EYS: variants seen among roughly 807,000 people sequenced by gnomAD.
EYS encodes protein eyes shut homolog.
Under a neutral mutation model 282.1 loss-of-function variants are expected in EYS, and 250 were observed. The observed-to-expected ratio is 0.89, with a 90% CI of 0.80 to 0.98. The LOEUF is 0.98. Ranked by LOEUF, EYS falls within the 50% of genes least tolerant of loss-of-function variation. EYS has a pLI of 0.00. For synonymous variants in EYS, 1,355 were observed against 1,282.9 expected (o/e 1.06, Z -1.20); for missense variants, 4,016 against 3,709.0 (o/e 1.08, Z -2.15).
chr6:65,508,814 T>C (rs558772458), intron 2 of EYS, among the ~76,000 whole-genome samples: 1 of 151,834 alleles, frequency 6.6e-6, no homozygotes, highest in South Asian at 2.1e-4. Context: ...CACTGGAGAG[T>C]AGGCCTTTGT....
intron 35 of EYS, among the ~76,000 whole-genome samples, chr6:63,965,324 A>T (rs962563588): frequency 5.3e-5 from 8 of 152,220 alleles, no homozygotes; most frequent in African/African-American, 1.9e-4. Flanking sequence ...TGGCAGAAGA[A>T]AAGGTCGTGT....
intron 31 of EYS, among the ~76,000 whole-genome samples, chr6:64,206,343 T>C (rs529537049): frequency 2.0e-4 from 30 of 152,300 alleles, no homozygotes; most frequent in Non-Finnish European, 3.2e-4. Flanking sequence ...ATTAGAGGAC[T>C]TCACTGGTTT....
At chr6:65,072,508 A>G (rs9453174) in intron 12 of EYS, among the ~76,000 whole-genome samples, 82,969 of 151,554 alleles carry the variant, frequency 0.55, 23,569 homozygotes, top group African/African-American at 0.68. Flanking sequence ...CCAATACAAA[A>G]TTATTTAAAA....
intron 1 of EYS, among the ~76,000 whole-genome samples, chr6:65,642,341 A>G (rs1767303184): frequency 6.6e-6 from 1 of 152,188 alleles, no homozygotes; most frequent in Non-Finnish European, 1.5e-5. Context: ...TAAGCACTGC[A>G]TAATTATTTG....
chr6:64,559,966 G>A (rs1019341998), intron 26 of EYS, among the ~76,000 whole-genome samples: 1 of 151,982 alleles, frequency 6.6e-6, no homozygotes, highest in Non-Finnish European at 1.5e-5. Context: ...TTGAGTCCAC[G>A]TGTTCTCGTC....
intron 31 of EYS, among the ~76,000 whole-genome samples, chr6:64,102,154 A>G (rs1429924293): frequency 6.6e-6 from 1 of 152,194 alleles, no homozygotes; most frequent in Non-Finnish European, 1.5e-5. Flanking sequence ...CCACTTGTAG[A>G]TAATTTAAAG....
intron 33 of EYS, among the ~76,000 whole-genome samples, chr6:64,039,975 C>A (rs192487459): frequency 6.6e-6 from 1 of 152,118 alleles, no homozygotes; most frequent in African/African-American, 2.4e-5. Flanking sequence ...GAAAGATAAC[C>A]TCATAGCACT....
chr6:64,162,363 T>C (rs1243555193), intron 31 of EYS, among the ~76,000 whole-genome samples: 1 of 152,166 alleles, frequency 6.6e-6, no homozygotes, highest in Non-Finnish European at 1.5e-5. Context: ...TTTCCATGTA[T>C]CCAGCTCAGC....
intron 13 of EYS, among the ~76,000 whole-genome samples, chr6:64,998,541 G>A (rs921850996): frequency 6.6e-6 from 1 of 152,152 alleles, no homozygotes; most frequent in Non-Finnish European, 1.5e-5. Context: ...TACAACATGT[G>A]TAACTAGGGC....
intron 13 of EYS, among the ~76,000 whole-genome samples, chr6:65,019,271 A>G (rs993871091): frequency 6.6e-6 from 1 of 152,182 alleles, no homozygotes; most frequent in African/African-American, 2.4e-5. Flanking sequence ...CACGTTTCTA[A>G]AAATATTTAA....
At chr6:64,832,817 A>G (rs1382648887) in intron 19 of EYS, among the ~76,000 whole-genome samples, 2 of 151,948 alleles carry the variant, frequency 1.3e-5, no homozygotes, top group African/African-American at 2.4e-5. Context: ...AATCACATAT[A>G]CAATAATGAT....
At chr6:65,143,317 A>G (rs1469906335) in intron 12 of EYS, among the ~76,000 whole-genome samples, 2 of 151,910 alleles carry the variant, frequency 1.3e-5, no homozygotes, top group Non-Finnish European at 2.9e-5. Context: ...GTAAAATTCT[A>G]TACCAAACAA....
chr6:65,307,958 CT>C (rs1384130198), intron 11 of EYS, among the ~76,000 whole-genome samples: 4 of 150,314 alleles, frequency 2.7e-5, no homozygotes, highest in African/African-American at 9.8e-5. Flanking sequence ...AATAAAGAGC[CT>C]TTTATTTTTA....
chr6:64,663,882 C>T (rs1769134160), intron 22 of EYS, among the ~76,000 whole-genome samples: 1 of 152,082 alleles, frequency 6.6e-6, no homozygotes, highest in Admixed American at 6.5e-5. Flanking sequence ...AGCCCTGGGT[C>T]ACGGAAGAGA....
chr6:65,559,642 T>C (rs528992019), intron 2 of EYS, among the ~76,000 whole-genome samples: 3 of 152,312 alleles, frequency 2.0e-5, no homozygotes, highest in African/African-American at 7.2e-5. Context: ...GTTTTTACTA[T>C]AGTTTACATC....
At chr6:64,653,102 A>AC (rs1768622559) in intron 22 of EYS, among the ~76,000 whole-genome samples, 1 of 151,788 alleles carries the variant, frequency 6.6e-6, no homozygotes, top group African/African-American at 2.4e-5. Flanking sequence ...GGTATCCCTA[A>AC]TTAAAATCAG....
intron 12 of EYS, among the ~76,000 whole-genome samples, chr6:65,248,560 C>T (rs1020761245): frequency 3.3e-5 from 5 of 151,766 alleles, no homozygotes; most frequent in African/African-American, 4.8e-5. Context: ...TTCTGGTTAC[C>T]CTATGTAGCA....
intron 35 of EYS, among the ~76,000 whole-genome samples, chr6:63,964,246 C>T (rs1766204045): frequency 6.6e-6 from 1 of 152,132 alleles, no homozygotes; most frequent in African/African-American, 2.4e-5. Context: ...TTGTATAAGT[C>T]AGCAGCTGAA....
At chr6:64,948,296 C>A (rs1431850010) in intron 14 of EYS, among the ~76,000 whole-genome samples, 2 of 151,168 alleles carry the variant, frequency 1.3e-5, no homozygotes, top group Non-Finnish European at 3.0e-5. Context: ...TTACTTGATT[C>A]AAAAGCATTT....
Sources: gnomAD v4.1 joint callset for allele counts (sites outside exome capture counted in the v4.1 genomes callset) on GRCh38, gnomAD v4.1.1 for gene constraint, MANE v1.5 for transcripts, NCBI Gene and HGNC (gene_info 2026-07-23, HGNC 2026-07-21) for gene names.